The following RALGPS1 variants were observed in gnomAD, a reference collection of about 807,000 sequenced individuals.
The protein encoded by RALGPS1 is Ral GEF with PH domain and SH3 binding motif 1.
Under a neutral mutation model 78.8 loss-of-function variants are expected in RALGPS1, and 19 were observed. The observed-to-expected ratio is 0.24, with a 90% CI of 0.17 to 0.35. RALGPS1 has a LOEUF of 0.35. RALGPS1 is among the 10% of genes least tolerant of loss of function. The pLI is 1.00. For missense variants in RALGPS1, 454 were observed against 688.3 expected (o/e 0.66, Z 3.81); for synonymous variants, 228 against 256.3 (o/e 0.89, Z 1.06).
chr9:126,952,656 A>AGTGTGTGTGTGTGTGTGTGTGT (rs1281535322), intron 1 of RALGPS1, among the ~76,000 whole-genome samples: 6 of 138,820 alleles, frequency 4.3e-5, no homozygotes, highest in Non-Finnish European at 7.9e-5. Flanking sequence ...AGAGAGAGAG[A>AGTGTGTGTGTGTGTGTGTGTGT]GTGTGTGTGT....
chr9:127,192,380 CAGG>C (rs977120505), intron 11 of RALGPS1, among the ~76,000 whole-genome samples: 1 of 152,250 alleles, frequency 6.6e-6, no homozygotes, highest in Non-Finnish European at 1.5e-5. Flanking sequence ...AGGCTGGAAA[CAGG>C]AGAAGGAGTT....
rs2049974749 is a variant in RALGPS1 at position 127,069,212 on chromosome 9, A to G, written c.484-18A>G. 1.3e-6 allele frequency: 2 copies of G among 1,590,540 alleles called. No homozygotes were observed. Among genetic ancestry groups the G allele is most frequent in the South Asian group, 1.1e-5 (1 of 89,856 alleles). On this transcript the variant is annotated intron_variant, in intron 7 of 18. Transcript: ENST00000259351. ...TCTTCTGGTTTACTTATTTTGCTATATTTTCTTCTCATTCTAGCTTTTAAA... is the reference window on the plus strand; with the variant it reads ...TCTTCTGGTTTACTTATTTTGCTATGTTTTCTTCTCATTCTAGCTTTTAAA...
chr9:127,098,666 C>T (rs2053413784), intron 8 of RALGPS1, among the ~76,000 whole-genome samples: 1 of 152,126 alleles, frequency 6.6e-6, no homozygotes, highest in Non-Finnish European at 1.5e-5. Flanking sequence ...TTGGGTGCTT[C>T]CTTCCTCCTC....
chr9:127,191,464 C>T (rs1361134677), intron 11 of RALGPS1, among the ~76,000 whole-genome samples: 1 of 152,164 alleles, frequency 6.6e-6, no homozygotes, highest in Non-Finnish European at 1.5e-5. Context: ...CTCCTTTCCC[C>T]ACTGACTGGT....
At chr9:127,052,516 G>A (rs1488900127) in intron 6 of RALGPS1, among the ~76,000 whole-genome samples, 1 of 152,130 alleles carries the variant, frequency 6.6e-6, no homozygotes, top group Non-Finnish European at 1.5e-5. Flanking sequence ...TGATGCTGTT[G>A]GCACAGTCGG....
At position 126,931,317 on chromosome 9, in the gene RALGPS1, C is replaced by T. The variant is rs776685723; in HGVS notation, c.-66+16342C>T. ...AGAAGAGAGGGAGGATGACTGCTAGCGGGCAGCCTCATAGCAACATTATTA... is the reference window on the plus strand; with the variant it reads ...AGAAGAGAGGGAGGATGACTGCTAGTGGGCAGCCTCATAGCAACATTATTA... On this transcript the variant is annotated intron_variant, in intron 1 of 18. Coordinates refer to ENST00000259351, the MANE Select transcript of RALGPS1 (RefSeq NM_014636.3). Among the ~76,000 whole-genome samples, 7 of 152,230 alleles carry T rather than the reference C, an allele frequency of 4.6e-5. No individual in the cohort carries two copies. In the South Asian group the frequency reaches 1.0e-3, roughly 23 times the overall value.
At chr9:126,952,667 G>GTGTGTGTCTGTGTGTC (rs2037956663) in intron 1 of RALGPS1, among the ~76,000 whole-genome samples, 1 of 107,688 alleles carries the variant, frequency 9.3e-6, no homozygotes, top group Non-Finnish European at 2.3e-5. Context: ...GTGTGTGTGT[G>GTGTGTGTCTGTGTGTC]TGTGTGTGTG....
intron 1 of RALGPS1, among the ~76,000 whole-genome samples, chr9:126,939,286 G>A (rs772144113): frequency 1.3e-5 from 2 of 152,172 alleles, no homozygotes; most frequent in Non-Finnish European, 2.9e-5. Context: ...AGCATCACAG[G>A]CTCACTCTGA....
chr9:127,218,168 A>T lies in RALGPS1; in HGVS notation c.1645-572A>T, dbSNP rs186704542. 1.9e-3 allele frequency among the ~76,000 whole-genome samples: 288 copies of T among 152,212 alleles called. 1 individual carries two copies. Among genetic ancestry groups the T allele is most frequent in the African/African-American group, 6.5e-3 (268 of 41,524 alleles). The stretch of plus-strand genomic sequence containing the variant: ...TTGGCAGCTTTTGGGGGTGGCAGAA[A>T]CACTCTGACCTTGGGGCTAGTGGTC... On this transcript the variant is annotated intron_variant, in intron 18 of 18. Coordinates refer to ENST00000259351, the MANE Select transcript of RALGPS1 (RefSeq NM_014636.3). This position sits in a 1 kb window ranked among gnomAD's most constrained non-coding sequence, Gnocchi z 4.4.
chr9:126,949,946 T>C (rs1364957398), intron 1 of RALGPS1, among the ~76,000 whole-genome samples: 2 of 152,234 alleles, frequency 1.3e-5, no homozygotes, highest in South Asian at 4.1e-4. Flanking sequence ...TATGGTTTTA[T>C]GTCTAATGTT....
chr9:127,066,227 G>A (rs554037510), intron 7 of RALGPS1, among the ~76,000 whole-genome samples: 87 of 152,366 alleles, frequency 5.7e-4, no homozygotes, highest in African/African-American at 2.0e-3. Context: ...CACAGTGTGT[G>A]TGAGGAGGAC....
At chr9:127,110,738 C>T (rs1057097460) in intron 8 of RALGPS1, among the ~76,000 whole-genome samples, 3 of 152,140 alleles carry the variant, frequency 2.0e-5, no homozygotes, top group Non-Finnish European at 2.9e-5. Context: ...TCATCCTAGA[C>T]GCCTTTCTTT....
chr9:127,118,296 T>C (rs1313909591), intron 8 of RALGPS1, among the ~76,000 whole-genome samples: 2 of 152,226 alleles, frequency 1.3e-5, no homozygotes, highest in African/African-American at 2.4e-5. Context: ...TCACAGTCCA[T>C]GTGAAAGAAC....
intron 3 of RALGPS1, among the ~76,000 whole-genome samples, chr9:126,971,798 G>C (rs2040147355): frequency 6.6e-6 from 1 of 152,176 alleles, no homozygotes; most frequent in Non-Finnish European, 1.5e-5. Flanking sequence ...AGTTTGTAAT[G>C]AATGTATGCC....
chr9:127,084,950 G>A (rs2051553713), intron 8 of RALGPS1, among the ~76,000 whole-genome samples: 2 of 152,208 alleles, frequency 1.3e-5, no homozygotes, highest in South Asian at 4.1e-4. Context: ...TGACAAGTCT[G>A]TGTGAAACAG....
intron 7 of RALGPS1, among the ~76,000 whole-genome samples, chr9:127,059,419 C>A (rs2049013532): frequency 6.6e-6 from 1 of 152,230 alleles, no homozygotes; most frequent in South Asian, 2.1e-4. Flanking sequence ...TCAGTCAAAT[C>A]TGCTGACATT....
intron 4 of RALGPS1, among the ~76,000 whole-genome samples, chr9:127,002,037 G>A (rs1359316618): frequency 2.0e-5 from 3 of 152,052 alleles, no homozygotes; most frequent in Non-Finnish European, 2.9e-5. Context: ...ATAACTCAAT[G>A]CATTTTTACA....
At chr9:127,157,521 TA>T (rs767746900) in intron 8 of RALGPS1, among the ~76,000 whole-genome samples, 5 of 152,096 alleles carry the variant, frequency 3.3e-5, no homozygotes, top group Non-Finnish European at 5.9e-5. Context: ...TGTTATATAT[TA>T]TTTTTCTATC....
At chr9:127,114,264 C>T (rs527395495) in intron 8 of RALGPS1, among the ~76,000 whole-genome samples, 1 of 152,284 alleles carries the variant, frequency 6.6e-6, no homozygotes, top group African/African-American at 2.4e-5. Flanking sequence ...CACAAAGATA[C>T]TTTTAAGGCT....
Sources: allele counts gnomAD v4.1 joint callset (sites outside exome capture counted in the v4.1 genomes callset), GRCh38; gene constraint gnomAD v4.1.1; non-coding constraint Gnocchi (gnomAD v3.1); transcripts MANE v1.5; gene names NCBI Gene and HGNC (gene_info 2026-07-23, HGNC 2026-07-21).